Variants in DNAH12 observed in about 807,000 individuals in gnomAD.
DNAH12 encodes axonemal beta dynein heavy chain 12.
In DNAH12, 285 loss-of-function variants were observed where a neutral mutation model predicts 371.5. The ratio of observed to expected loss-of-function variants is 0.77; its 90% CI spans 0.70 to 0.85. DNAH12 has a LOEUF of 0.85. DNAH12 is among the 40% of genes least tolerant of loss of function. The probability of loss-of-function intolerance (pLI) is 0.00; values close to 1 mark genes in which losing one functional copy is unlikely to be tolerated. For missense variants in DNAH12, 3,611 were observed against 3,689.4 expected (o/e 0.98, Z 0.55); for synonymous variants, 1,200 against 1,213.0 (o/e 0.99, Z 0.22).
intron 65 of DNAH12, among the ~76,000 whole-genome samples, chr3:57,319,969 C>G (rs150858297): frequency 6.6e-6 from 1 of 152,038 alleles, no homozygotes; most frequent in Non-Finnish European, 1.5e-5. Context: ...TTTTATCTTT[C>G]TTCTGTTAAT....
At position 57,486,914 on chromosome 3, in the gene DNAH12, G is replaced by T. The variant is rs576590423; in HGVS notation, c.1514+2595C>A. Among the ~76,000 whole-genome samples the T allele has an allele frequency of 2.7e-5, 4 of 150,188 alleles. No individual in the cohort carries two copies. The East Asian group carries it at 7.7e-4, about 29-fold the overall frequency. On this transcript the variant is annotated intron_variant, in intron 12 of 73. Transcript: ENST00000495027. ...GAAGAAGCCACTATTTTATACAGAG[G>T]GGCCAGAGAAGGCCTTTCTAGGGAG... is the stretch of plus-strand genomic sequence containing the variant.
chr3:57,447,655 A>T (rs1351710661), intron 25 of DNAH12, among the ~76,000 whole-genome samples: 1 of 148,322 alleles, frequency 6.7e-6, no homozygotes, highest in East Asian at 2.0e-4. Flanking sequence ...TAAAAAATGC[A>T]GTATCAGTGA....
chr3:57,321,172 C>T (rs530461214), intron 65 of DNAH12, among the ~76,000 whole-genome samples: 9 of 152,264 alleles, frequency 5.9e-5, no homozygotes, highest in East Asian at 5.8e-4. Context: ...GGAGCTCAAA[C>T]TCTGGATGAG....
At chr3:57,512,195 G>A (rs1202896619) in intron 4 of DNAH12, among the ~76,000 whole-genome samples, 3 of 152,074 alleles carry the variant, frequency 2.0e-5, no homozygotes, top group Non-Finnish European at 4.4e-5. Context: ...TAAAATTTAG[G>A]GGATGGGTGA....
intron 62 of DNAH12, among the ~76,000 whole-genome samples, chr3:57,327,812 G>A (rs2061987858): frequency 6.6e-6 from 1 of 152,072 alleles, no homozygotes; most frequent in Admixed American, 6.6e-5. Flanking sequence ...TAGACCGCTA[G>A]CAAGACTAAT....
chr3:57,402,386 A>T, intron 43 of DNAH12: 1 of 1,304,834 alleles, frequency 7.7e-7, no homozygotes, highest in Non-Finnish European at 1.0e-6. Context: ...AGCCCCAAGT[A>T]TGCACTCCAC....
intron 60 of DNAH12, among the ~76,000 whole-genome samples, chr3:57,335,891 A>G (rs2062211083): frequency 6.6e-6 from 1 of 152,236 alleles, no homozygotes; most frequent in African/African-American, 2.4e-5. Context: ...GTTCAGCACC[A>G]GAGGAATTCA....
intron 30 of DNAH12, among the ~76,000 whole-genome samples, chr3:57,436,411 C>T (rs554559277): frequency 6.6e-6 from 1 of 152,222 alleles, no homozygotes; most frequent in South Asian, 2.1e-4. Context: ...CTCACATGAC[C>T]AGCTGGATTT....
In DNAH12 at chr3:57,483,488, A is replaced by C; in HGVS notation, c.1538T>G (p.Ile513Ser). ...AGGGACTTTTAATGCATGTTCTTTA[A>C]TTGCTTCAAATTCACTGCAAATACT... ...NECICSEFEA[I>S]KEHALKVPET... The change falls in exon 13 of 74, where the codon ATT becomes AGT. Residue 513 changes from isoleucine (I) to serine (S), a missense_variant. Physicochemically the swap from Ile to Ser is moderately radical, Grantham distance 142 (BLOSUM62 -2). Transcript: ENST00000495027. 6.4e-7 allele frequency: 1 copy of C among 1,550,496 alleles called. No individual in the cohort carries two copies.
intron 60 of DNAH12, among the ~76,000 whole-genome samples, chr3:57,345,941 G>A (rs537471422): frequency 1.3e-5 from 2 of 152,152 alleles, no homozygotes; most frequent in East Asian, 1.9e-4. Context: ...AATTTTTCCA[G>A]TATATTTATT....
chr3:57,377,441 T>C (rs1472914524), intron 52 of DNAH12, among the ~76,000 whole-genome samples: 1 of 152,120 alleles, frequency 6.6e-6, no homozygotes, highest in Non-Finnish European at 1.5e-5. Flanking sequence ...ATAAAATAGA[T>C]AATTTATACT....
intron 60 of DNAH12, among the ~76,000 whole-genome samples, chr3:57,345,730 T>C (rs2062524972): frequency 6.6e-6 from 1 of 152,196 alleles, no homozygotes; most frequent in Non-Finnish European, 1.5e-5. Flanking sequence ...AATGATGCCA[T>C]GTATGAACTG....
chr3:57,365,287 A>G (rs2063025112), intron 57 of DNAH12, among the ~76,000 whole-genome samples: 1 of 152,230 alleles, frequency 6.6e-6, no homozygotes, highest in Non-Finnish European at 1.5e-5. Context: ...CATAAAAAGG[A>G]ACAAGATAAT....
chr3:57,331,242 C>A (rs1382195075), intron 62 of DNAH12, among the ~76,000 whole-genome samples: 1 of 152,302 alleles, frequency 6.6e-6, no homozygotes, highest in African/African-American at 2.4e-5. Flanking sequence ...AAAAACCCTA[C>A]ATGTGGTATT....
chr3:57,425,557 C>T (rs2064740184), intron 34 of DNAH12, among the ~76,000 whole-genome samples: 1 of 152,150 alleles, frequency 6.6e-6, no homozygotes, highest in Non-Finnish European at 1.5e-5. Context: ...GCATGAGCCA[C>T]CACAACTAGC....
chr3:57,428,599 G>A, intron 34 of DNAH12, 34 bp downstream of exon 34: 1 of 1,510,462 alleles, frequency 6.6e-7, no homozygotes, highest in Non-Finnish European at 8.8e-7. Flanking sequence ...TGGAAACAAA[G>A]AAACTTGAAT....
intron 9 of DNAH12, 138 bp downstream of exon 9, chr3:57,503,878 A>G (rs1284207543): frequency 2.7e-6 from 2 of 730,418 alleles, no homozygotes; most frequent in Non-Finnish European, 4.1e-6. Flanking sequence ...TTTTTCAAAG[A>G]GAAAGCAATT....
chr3:57,469,594 C>T (rs2066309833), intron 16 of DNAH12, among the ~76,000 whole-genome samples: 1 of 152,098 alleles, frequency 6.6e-6, no homozygotes, highest in South Asian at 2.1e-4. Flanking sequence ...TGCCCATCAA[C>T]AGTGGATTGA....
At chr3:57,546,851 T>C (rs909738160), upstream of DNAH12, among the ~76,000 whole-genome samples, 1 of 152,114 alleles carries the variant, frequency 6.6e-6, no homozygotes, top group Non-Finnish European at 1.5e-5. Flanking sequence ...GTAGAAATCC[T>C]TTTAAAAAGA....
Sources: allele counts gnomAD v4.1 joint callset (sites outside exome capture counted in the v4.1 genomes callset), GRCh38; gene constraint gnomAD v4.1.1; transcripts MANE v1.5; gene names NCBI Gene and HGNC (gene_info 2026-07-23, HGNC 2026-07-21).